The following RNPS1 variants were observed in gnomAD, a reference collection of about 807,000 sequenced individuals.
RNPS1 encodes the protein RNA-binding protein with serine-rich domain 1.
For missense variants in RNPS1, 300 were observed against 427.6 expected, an observed-to-expected ratio of 0.70 and a Z score of 2.63; for synonymous variants, 147 against 150.0, an observed-to-expected ratio of 0.98 and a Z score of 0.15.
Position 2,253,874 on chromosome 16 carries a change from C to G in RNPS1, c.*90G>C, listed in dbSNP as rs1388549163. 2.5e-6 allele frequency: 3 copies of G among 1,200,874 alleles called. No individual in the cohort carries two copies. The highest frequency in any genetic ancestry group is 3.6e-6 in the Non-Finnish European group (3 of 826,548). 74.4% of individuals were successfully genotyped at this position (1,200,874 alleles called of 1,614,324 possible). On this transcript the variant is annotated 3_prime_UTR_variant, in exon 8 of 8. Coordinates refer to ENST00000320225, the MANE Select transcript of RNPS1 (RefSeq NM_080594.4). ...AAATCCTGCCAGAGTCAAGGGTTTG[C>G]TTTCCTACTGGTCTTCCTTTGGCTA...
chr16:2,264,994 G>A, intron 1 of RNPS1: 1 of 220,084 alleles, frequency 4.5e-6, no homozygotes, highest in Admixed American at 5.2e-5. Context: ...CTTAAAAAAT[G>A]GAGATGGTGG....
chr16:2,265,421 T>A (rs1163566838), intron 1 of RNPS1: 1 of 151,962 alleles, frequency 6.6e-6, no homozygotes, highest in Non-Finnish European at 1.5e-5. Flanking sequence ...ATAAGATTGA[T>A]GGGTGGCTAG....
chr16:2,258,097 G>C (rs1567322819), intron 6 of RNPS1: 1 of 152,224 alleles, frequency 6.6e-6, no homozygotes, highest in Non-Finnish European at 1.5e-5. Flanking sequence ...TAAACGTCAT[G>C]AGTGGTTATG....
chr16:2,262,172 G>A (rs908922248), intron 6 of RNPS1, 106 bp downstream of exon 6: 2 of 1,209,004 alleles, frequency 1.7e-6, no homozygotes, highest in Non-Finnish European at 2.3e-6. Context: ...GTGAAACTCT[G>A]TCTCAAACAA....
At chr16:2,259,408 G>C (rs1182567378) in intron 6 of RNPS1, among the ~76,000 whole-genome samples, 3 of 152,152 alleles carry the variant, frequency 2.0e-5, no homozygotes, top group Admixed American at 1.3e-4. Context: ...CGTCAATTGT[G>C]TCTTTAACTA....
intron 6 of RNPS1, among the ~76,000 whole-genome samples, chr16:2,259,901 G>A (rs931110639): frequency 1.3e-5 from 2 of 152,002 alleles, no homozygotes; most frequent in African/African-American, 2.4e-5. Context: ...AAAAAAGAAA[G>A]GTAAAGCGTT....
In RNPS1 at chr16:2,268,070, C is replaced by T. The variant is rs1222583623; in HGVS notation, c.-133G>A. On this transcript the variant is annotated 5_prime_UTR_variant, in exon 1 of 8. Transcript: ENST00000320225. Reference sequence around the variant, plus strand: ...CCCAACTTACATCTTCCCGCCGCCGCCACCTCCTCCTGCTTTCCTCAGCCG... The same window carrying T: ...CCCAACTTACATCTTCCCGCCGCCGTCACCTCCTCCTGCTTTCCTCAGCCG... The T allele has an allele frequency of 6.5e-7, 1 of 1,535,314 alleles. No homozygotes were observed. The highest frequency in any genetic ancestry group is 8.7e-7 in the Non-Finnish European group (1 of 1,146,680).
chr16:2,255,845 G>C, intron 6 of RNPS1, 119 bp from the exon 7 acceptor site: 1 of 1,173,130 alleles, frequency 8.5e-7, no homozygotes, highest in Non-Finnish European at 1.2e-6. Context: ...CACAGAAACA[G>C]GGCCGGGCAT....
At chr16:2,257,026 A>T (rs1258067492) in intron 6 of RNPS1, 1 of 152,280 alleles carries the variant, frequency 6.6e-6, no homozygotes, top group Non-Finnish European at 1.5e-5. Context: ...GAGATGCCAA[A>T]GACTTTGTGT....
chr16:2,266,573 T>C (rs1321419308), intron 1 of RNPS1: 5 of 984,610 alleles, frequency 5.1e-6, no homozygotes, highest in Non-Finnish European at 6.0e-6. Context: ...ACTCGATAAA[T>C]GTTAGGAGCA....
In RNPS1 at chr16:2,264,647, C is replaced by G; in HGVS notation, c.-4G>C. 6.2e-7 allele frequency: 1 copy of G among 1,611,952 alleles called. No individual in the cohort carries two copies. The highest frequency in any genetic ancestry group is 1.1e-5 in the South Asian group (1 of 91,026). ...TTTTCACTCCTGATAAATCCATTCT[C>G]CCCTTCTGAGGTGTTCAAAGCAGCA... On this transcript the variant is annotated 5_prime_UTR_variant, in exon 2 of 8. Transcript: ENST00000320225.
Position 2,262,340 on chromosome 16 carries a change from T to G in RNPS1, c.614A>C (p.Tyr205Ser), listed in dbSNP as rs2093606489. ...TGGATTCTCAAACTCTACGTACGCA[T>G]AGCCTTTGGACAGATGGGGATGCAT... Reference protein sequence around the residue: ...ERMHPHLSKGYAYVEFENPDE... With the variant: ...ERMHPHLSKGSAYVEFENPDE... The change falls in exon 6 of 8, where the codon TAT becomes TCT. Residue 205 changes from tyrosine (Y) to serine (S), a missense_variant. Transcript: ENST00000320225. 6.2e-7 allele frequency: 1 copy of G among 1,613,956 alleles called. No homozygotes were observed. Among genetic ancestry groups the G allele is most frequent in the Non-Finnish European group, 8.5e-7 (1 of 1,179,970 alleles).
In RNPS1 at chr16:2,268,094, C is replaced by A; in HGVS notation, c.-157G>T. The A allele has an allele frequency of 3.3e-6, 5 of 1,535,438 alleles. No individual in the cohort carries two copies. The highest frequency in any genetic ancestry group is 4.4e-6 in the Non-Finnish European group (5 of 1,146,588). On this transcript the variant is annotated 5_prime_UTR_variant, in exon 1 of 8. Transcript: ENST00000320225. ...GCCACCTCCTCCTGCTTTCCTCAGCCGCCGAGGCCGGCGCCGCTCTGACGT... is the reference window on the plus strand; with the variant it reads ...GCCACCTCCTCCTGCTTTCCTCAGCAGCCGAGGCCGGCGCCGCTCTGACGT...
At chr16:2,255,322 G>A (rs756325509) in intron 7 of RNPS1, among the ~76,000 whole-genome samples, 1 of 152,222 alleles carries the variant, frequency 6.6e-6, no homozygotes, top group African/African-American at 2.4e-5. Flanking sequence ...GGGCTCACAG[G>A]TCTAGTGGTC....
At chr16:2,266,070 G>A in intron 1 of RNPS1, 1 of 975,404 alleles carries the variant, frequency 1.0e-6, no homozygotes, top group Non-Finnish European at 1.2e-6. Context: ...GTTGTTAAGT[G>A]AAGATCTCAG....
At chr16:2,264,853 C>G (rs376533010) in intron 1 of RNPS1, 93 bp from the exon 2 acceptor site, 3 of 1,043,024 alleles carry the variant, frequency 2.9e-6, no homozygotes, top group East Asian at 2.8e-5. Flanking sequence ...AAAAAGGCAG[C>G]AAGGGAGCAC....
At chr16:2,263,910 T>TTC (rs34710118) in intron 3 of RNPS1, 2 of 353,314 alleles carry the variant, frequency 5.7e-6, no homozygotes, top group Non-Finnish European at 1.0e-5. Flanking sequence ...TTTTTTTTTT[T>TTC]GTAGAGACGA....
chr16:2,266,733 G>A (rs1364300559), intron 1 of RNPS1: 2 of 984,678 alleles, frequency 2.0e-6, no homozygotes, highest in Non-Finnish European at 2.4e-6. Flanking sequence ...CGTGTGAGGA[G>A]CCACAAGCAT....
intron 6 of RNPS1, among the ~76,000 whole-genome samples, chr16:2,260,144 ATTCTTTTTTTTTT>A (rs1437679932): frequency 9.9e-6 from 1 of 101,176 alleles, no homozygotes; most frequent in Non-Finnish European, 2.1e-5. Flanking sequence ...GTGTGTGTGT[ATTCTTTTTTTTTT>A]TTTTTTTTTT....
Sources: gnomAD v4.1 joint callset for allele counts (sites outside exome capture counted in the v4.1 genomes callset) on GRCh38, gnomAD v4.1.1 for gene constraint, MANE v1.5 for transcripts, NCBI Gene and HGNC (gene_info 2026-07-23, HGNC 2026-07-21) for gene names.